Variants in ADK observed in about 807,000 individuals in gnomAD.
ADK encodes the protein adenosine kinase, also known as N6,N6-dimethyladenosine kinase.
Under a neutral mutation model 44.7 loss-of-function variants are expected in ADK, and 24 were observed. That is an observed-to-expected ratio of 0.54 (90% confidence interval 0.39 to 0.76). The LOEUF is 0.76. Among genes scored for constraint, ADK ranks in the 30% least tolerant of loss-of-function variants. ADK has a pLI of 0.00. For synonymous variants in ADK, 128 were observed against 142.6 expected, an observed-to-expected ratio of 0.90 and a Z score of 0.73; for missense variants, 321 against 425.1, an observed-to-expected ratio of 0.76 and a Z score of 2.15.
intron 3 of ADK, among the ~76,000 whole-genome samples, chr10:74,262,222 A>G (rs1303427462): frequency 6.6e-6 from 1 of 151,278 alleles, no homozygotes; most frequent in Non-Finnish European, 1.5e-5. Context: ...TGGGAGGCTC[A>G]GGCAGGAGAA....
At chr10:74,624,813 C>T (rs1426290227) in intron 9 of ADK, among the ~76,000 whole-genome samples, 1 of 151,960 alleles carries the variant, frequency 6.6e-6, no homozygotes, top group Non-Finnish European at 1.5e-5. Context: ...GATATTTAAA[C>T]AAAAATATTT....
At chr10:74,566,308 GT>G (rs1374502219) in intron 7 of ADK, among the ~76,000 whole-genome samples, 3 of 144,388 alleles carry the variant, frequency 2.1e-5, no homozygotes, top group Admixed American at 7.1e-5. Flanking sequence ...CTGGGCTCAA[GT>G]AATCCTCCCA....
chr10:74,229,994 C>T (rs10762589), intron 3 of ADK, among the ~76,000 whole-genome samples: 111,254 of 151,118 alleles, frequency 0.74, 41,611 homozygotes, highest in Middle Eastern at 0.85. Flanking sequence ...AGCTATGATC[C>T]GTGCCACTGT....
At chr10:74,224,435 A>C (rs867400498) in intron 2 of ADK, 103 bp from the exon 3 acceptor site, 2 of 866,186 alleles carry the variant, frequency 2.3e-6, no homozygotes, top group Non-Finnish European at 3.9e-6. Context: ...CAATTAAGTC[A>C]GAGACCTATA....
At chr10:74,589,913 T>G (rs971017158) in intron 8 of ADK, among the ~76,000 whole-genome samples, 2 of 152,204 alleles carry the variant, frequency 1.3e-5, no homozygotes, top group African/African-American at 4.8e-5. Flanking sequence ...TATACATACA[T>G]TTTCTGAAAT....
At chr10:74,594,168 A>G (rs1851814273) in intron 8 of ADK, among the ~76,000 whole-genome samples, 1 of 148,154 alleles carries the variant, frequency 6.7e-6, no homozygotes, top group South Asian at 2.2e-4. Flanking sequence ...GGGCAACATC[A>G]TACACCGGGG....
chr10:74,312,914 CAAAAAAAAAAA>C (rs56052959), intron 3 of ADK, among the ~76,000 whole-genome samples: 22 of 37,820 alleles, frequency 5.8e-4, no homozygotes, highest in South Asian at 1.8e-3. Context: ...ATTCTGTCTC[CAAAAAAAAAAA>C]AAAAAAAAAA....
rs572308219 is a variant in ADK at position 74,337,157 on chromosome 10, G to A, written c.273+22412G>A. Among the ~76,000 whole-genome samples the A allele has an allele frequency of 2.5e-4, 38 of 152,292 alleles. No homozygotes were observed. In the South Asian group the frequency reaches 7.0e-3, roughly 28 times the overall value. ...TTAGAACAAAGTCTACTTTGGAGAC[G>A]TATGTAACAGGCAAGAATTGATGCA... On this transcript the variant is annotated intron_variant, in intron 4 of 10. Transcript: ENST00000539909.
chr10:74,697,775 T>C (rs1434795852), intron 10 of ADK, among the ~76,000 whole-genome samples: 1 of 152,208 alleles, frequency 6.6e-6, no homozygotes, highest in Non-Finnish European at 1.5e-5. Context: ...CTATAGCTCT[T>C]CTATAGTAAC....
chr10:74,590,879 A>G (rs1251411179), intron 8 of ADK, among the ~76,000 whole-genome samples: 2 of 152,154 alleles, frequency 1.3e-5, no homozygotes, highest in Non-Finnish European at 2.9e-5. Context: ...TTTTAATATT[A>G]CAAAAATTAT....
chr10:74,456,591 C>T (rs1278462036), intron 6 of ADK, among the ~76,000 whole-genome samples: 3 of 145,100 alleles, frequency 2.1e-5, no homozygotes, highest in East Asian at 2.2e-4. Flanking sequence ...GGCGTGAACC[C>T]GGGAGGCGGA....
intron 4 of ADK, among the ~76,000 whole-genome samples, chr10:74,325,302 G>A (rs1840967954): frequency 6.6e-6 from 1 of 151,992 alleles, no homozygotes; most frequent in African/African-American, 2.4e-5. Context: ...GTTTGTGGTT[G>A]ATATATAGAA....
Position 74,176,645 on chromosome 10 carries a change from T to C in ADK, c.66-24119T>C, listed in dbSNP as rs548412697. The C allele has an allele frequency of 1.3e-4, 179 of 1,409,564 alleles. 1 individual carries two copies. The highest frequency in any genetic ancestry group is 1.6e-4 in the Non-Finnish European group (178 of 1,084,690). 87.3% of individuals were successfully genotyped at this position (1,409,564 alleles called of 1,614,324 possible). A position where few individuals can be genotyped will look rare whatever the true frequency, so the allele number is the denominator to read the frequency against. On this transcript the variant is annotated intron_variant, in intron 1 of 10. Transcript: ENST00000539909. ...ACGAGACACGCGGTGGCCCACGGCG[T>C]CTGGGGACGATCTCCAGCCCTTCGC...
At chr10:74,570,716 C>A (rs1222961061) in intron 7 of ADK, among the ~76,000 whole-genome samples, 1 of 152,168 alleles carries the variant, frequency 6.6e-6, no homozygotes, top group Admixed American at 6.5e-5. Context: ...TCTAGATATA[C>A]AATCATGTCA....
At chr10:74,527,099 C>G (rs1018779714) in intron 7 of ADK, among the ~76,000 whole-genome samples, 2 of 152,168 alleles carry the variant, frequency 1.3e-5, no homozygotes, top group African/African-American at 4.8e-5. Flanking sequence ...CGGTGGCTCA[C>G]GCCTGTGATC....
rs370735383 is a variant in ADK at position 74,182,348 on chromosome 10, T to TTTTA, written c.66-18384_66-18381dup. On this transcript the variant is annotated intron_variant, in intron 1 of 10. Transcript: ENST00000539909. ...TTTTGAAGAAGTAAAACAGAAATCT[T>TTTTA]TTTATTTATTTATTTATTTATTTAT... is the stretch of plus-strand genomic sequence containing the variant. Among the ~76,000 whole-genome samples the TTTTA allele has an allele frequency of 9.8e-3, 1,426 of 145,716 alleles. 21 individuals carry two copies. Among genetic ancestry groups the TTTTA allele is most frequent in the East Asian group, 0.035 (177 of 5,054 alleles).
chr10:74,215,877 C>T (rs529218538), intron 2 of ADK, among the ~76,000 whole-genome samples: 12 of 150,580 alleles, frequency 8.0e-5, no homozygotes, highest in Admixed American at 1.3e-4. Context: ...AGGATGGTCT[C>T]GATCTCCTGA....
intron 4 of ADK, among the ~76,000 whole-genome samples, chr10:74,343,856 G>A (rs150185902): frequency 9.2e-5 from 14 of 152,182 alleles, no homozygotes; most frequent in East Asian, 7.7e-4. Flanking sequence ...TGATCCACCC[G>A]CCTTGGCCTC....
rs983338354 is a variant in ADK at position 74,605,789 on chromosome 10, A to G, written c.877+5296A>G. ...ATTAGAGAGGAGTCCCTCTTTTTCT[A>G]TTGTTTGGAATAGTTTCAGAAGGAA... On this transcript the variant is annotated intron_variant, in intron 9 of 10. Transcript: ENST00000539909. Among the ~76,000 whole-genome samples the G allele has an allele frequency of 1.1e-4, 16 of 151,914 alleles. 1 individual carries two copies. Among genetic ancestry groups the G allele is most frequent in the South Asian group, 2.1e-4 (1 of 4,820 alleles).
Sources: allele counts gnomAD v4.1 joint callset (sites outside exome capture counted in the v4.1 genomes callset), GRCh38; gene constraint gnomAD v4.1.1; transcripts MANE v1.5; gene names NCBI Gene and HGNC (gene_info 2026-07-23, HGNC 2026-07-21).